Variants in RIPOR2 observed in about 807,000 individuals in gnomAD.
RIPOR2 encodes the protein rho family-interacting cell polarization regulator 2.
A neutral mutation model predicts 114.5 loss-of-function variants in RIPOR2; 39 were observed. That is an observed-to-expected ratio of 0.34 (90% CI 0.26 to 0.44). The LOEUF (loss-of-function observed/expected upper bound fraction) is 0.44. Among genes scored for constraint, RIPOR2 ranks in the 20% least tolerant of loss-of-function variants. RIPOR2 has a pLI of 1.00. For synonymous variants in RIPOR2, 445 were observed against 484.4 expected (o/e 0.92, Z 1.07); for missense variants, 1,007 against 1,255.1 (o/e 0.80, Z 2.99).
chr6:24,922,858 CA>C (rs869160864), intron 1 of RIPOR2, among the ~76,000 whole-genome samples: 3,466 of 78,506 alleles, frequency 0.044, 14 homozygotes, highest in African/African-American at 0.058. Context: ...AGGACAGTCT[CA>C]AAAAAAAAAA....
intron 2 of RIPOR2, among the ~76,000 whole-genome samples, 193 bp from the exon 3 acceptor site, chr6:24,873,992 A>G (rs1048400747): frequency 6.6e-6 from 1 of 151,982 alleles, no homozygotes; most frequent in Non-Finnish European, 1.5e-5. Flanking sequence ...AGTGATCCTC[A>G]GCCTCCCAAG....
chr6:24,876,970 T>A, intron 1 of RIPOR2: 1 of 985,386 alleles, frequency 1.0e-6, no homozygotes, highest in Non-Finnish European at 1.2e-6. Context: ...AGCAGGTGAC[T>A]TCAATCCAGA....
At chr6:24,821,958 C>A (rs1759738762) in intron 19 of RIPOR2, among the ~76,000 whole-genome samples, 2 of 152,316 alleles carry the variant, frequency 1.3e-5, no homozygotes, top group Non-Finnish European at 2.9e-5. Context: ...AAGGGGTAAA[C>A]CTATGGTTTG....
chr6:24,982,851 C>T (rs939572462), intron 1 of RIPOR2, among the ~76,000 whole-genome samples: 2 of 152,082 alleles, frequency 1.3e-5, no homozygotes, highest in Non-Finnish European at 2.9e-5. Flanking sequence ...ACACTGGGAA[C>T]CCCTTTCTTT....
At position 24,875,829 on chromosome 6, in the gene RIPOR2, TG is replaced by T; in HGVS notation, c.62-13del. On this transcript the variant is annotated splice_polypyrimidine_tract_variant and intron_variant, in intron 1 of 21. Transcript: ENST00000643898. ...TCTGGTCGGTAGTCCTAGAAGACAG[TG>T]GAAAGATCATGACAATTTATAGGCA... 1 of 1,594,344 alleles carries T rather than the reference TG, an allele frequency of 6.3e-7. No individual in the cohort carries two copies. Among genetic ancestry groups the T allele is most frequent in the Non-Finnish European group, 8.5e-7 (1 of 1,170,040 alleles).
In RIPOR2 at chr6:24,818,584, G is replaced by A. The variant is rs900333205; in HGVS notation, c.2910C>T (p.Leu970=). The change falls in exon 20 of 22, where the codon CTC becomes CTT. Residue 970 remains leucine (L), a synonymous_variant. Coordinates refer to ENST00000643898, the MANE Select transcript of RIPOR2 (RefSeq NM_001286445.3). The stretch of plus-strand genomic sequence containing the variant: ...CCAGGCAAGCTGCTTTCTGGAGCTG[G>A]AGGTTTGTCTTTGTTAGTGCTTCAC... The part of the protein sequence containing the change: ...YYCEALTKTN[L]QLQKAACLAL... 1 of 1,550,796 alleles carries A rather than the reference G, an allele frequency of 6.4e-7. No individual in the cohort carries two copies. Among genetic ancestry groups the A allele is most frequent in the Non-Finnish European group, 8.7e-7 (1 of 1,146,384 alleles).
At chr6:24,859,274 T>A (rs1300129946) in intron 8 of RIPOR2, among the ~76,000 whole-genome samples, 1 of 152,148 alleles carries the variant, frequency 6.6e-6, no homozygotes, top group Non-Finnish European at 1.5e-5. Flanking sequence ...TGATAGGTGA[T>A]GTGCATGATT....
At chr6:24,919,468 T>A (rs958284305) in intron 1 of RIPOR2, among the ~76,000 whole-genome samples, 2 of 152,212 alleles carry the variant, frequency 1.3e-5, no homozygotes, top group African/African-American at 4.8e-5. Context: ...AAATATCTTT[T>A]ATGGAATCCC....
chr6:24,899,166 G>A (rs1768172937), intron 1 of RIPOR2, among the ~76,000 whole-genome samples: 1 of 151,910 alleles, frequency 6.6e-6, no homozygotes, highest in Non-Finnish European at 1.5e-5. Context: ...GGACAATGTG[G>A]GAACAAGTAG....
In RIPOR2 at chr6:24,998,877, A is replaced by AT. The variant is rs35140074; in HGVS notation, c.76+42973dup. On this transcript the variant is annotated intron_variant, in intron 1 of 13. Transcript: ENST00000510784. Reference sequence around the variant, plus strand: ...ACAATGTGGAACTTTATATGCAGTCATTTTTTTTTTTTTATTGTAGAGCTT... The same window carrying AT: ...ACAATGTGGAACTTTATATGCAGTCATTTTTTTTTTTTTTATTGTAGAGCTT... Among the ~76,000 whole-genome samples the AT allele has an allele frequency of 6.5e-3, 976 of 150,746 alleles. 11 individuals carry two copies. The highest frequency in any genetic ancestry group is 0.022 in the African/African-American group (884 of 41,030).
At chr6:24,926,900 C>CCATCATCACCACCACCAT (rs1008081669) in intron 1 of RIPOR2, among the ~76,000 whole-genome samples, 12 of 151,716 alleles carry the variant, frequency 7.9e-5, no homozygotes, top group Non-Finnish European at 1.6e-4. Context: ...TTCACCATTA[C>CCATCATCACCACCACCAT]CATCATCACC....
chr6:24,947,641 A>G (rs1300489067), intron 1 of RIPOR2, among the ~76,000 whole-genome samples: 1 of 152,018 alleles, frequency 6.6e-6, no homozygotes, highest in East Asian at 1.9e-4. Flanking sequence ...CTTACAGTTT[A>G]ATTAGCAGCC....
chr6:24,883,806 C>T lies in RIPOR2; in HGVS notation c.62-7989G>A, dbSNP rs191426500. ...TAAGATGTAACACCTGCCCTCACTG[C>T]ACTTTCTGAGTCATTTCTTCATGCC... is the stretch of plus-strand genomic sequence containing the variant. On this transcript the variant is annotated intron_variant, in intron 1 of 21. Coordinates refer to ENST00000643898, the MANE Select transcript of RIPOR2 (RefSeq NM_001286445.3). The surrounding 1 kb of genome is among the most constrained non-coding windows in gnomAD (Gnocchi z 4.1). Among the ~76,000 whole-genome samples, 1 of 152,336 alleles carries T rather than the reference C, an allele frequency of 6.6e-6. No homozygotes were observed. Among genetic ancestry groups the T allele is most frequent in the Non-Finnish European group, 1.5e-5 (1 of 68,034 alleles).
chr6:24,900,793 A>G (rs569899456), intron 1 of RIPOR2, among the ~76,000 whole-genome samples: 2 of 152,288 alleles, frequency 1.3e-5, no homozygotes, highest in South Asian at 4.1e-4. Flanking sequence ...ATGTGTACAC[A>G]TATCTGTGAT....
At chr6:24,829,269 G>A (rs1242514936) in intron 17 of RIPOR2, among the ~76,000 whole-genome samples, 3 of 151,784 alleles carry the variant, frequency 2.0e-5, no homozygotes, top group African/African-American at 7.3e-5. Context: ...AGCTGAGATC[G>A]CGCCATTGCA....
At chr6:24,887,700 T>C (rs1289745661) in intron 1 of RIPOR2, among the ~76,000 whole-genome samples, 2 of 152,210 alleles carry the variant, frequency 1.3e-5, no homozygotes, top group Admixed American at 1.3e-4. Flanking sequence ...CTGAGTCATT[T>C]GAAGAGTAAA....
At chr6:24,856,571 A>G (rs1763493874) in intron 8 of RIPOR2, among the ~76,000 whole-genome samples, 1 of 152,162 alleles carries the variant, frequency 6.6e-6, no homozygotes, top group African/African-American at 2.4e-5. Flanking sequence ...CCTGGCTAAC[A>G]TGGAGAAACT....
At chr6:24,948,823 G>A (rs1200279861) in intron 1 of RIPOR2, among the ~76,000 whole-genome samples, 2 of 152,188 alleles carry the variant, frequency 1.3e-5, no homozygotes, top group South Asian at 2.1e-4. Flanking sequence ...GAGGCACCAC[G>A]CCCAGCCACT....
chr6:24,917,849 T>G (rs994619502), intron 1 of RIPOR2, among the ~76,000 whole-genome samples: 1 of 152,154 alleles, frequency 6.6e-6, no homozygotes, highest in African/African-American at 2.4e-5. Context: ...TTTTTAAAGG[T>G]TCTAAGTTGA....
Sources: gnomAD v4.1 joint callset for allele counts (sites outside exome capture counted in the v4.1 genomes callset) on GRCh38, gnomAD v4.1.1 for gene constraint, Gnocchi (gnomAD v3.1) non-coding constraint, MANE v1.5 for transcripts, NCBI Gene and HGNC (gene_info 2026-07-23, HGNC 2026-07-21) for gene names.